Variants in GABRB2 observed in about 807,000 individuals in gnomAD.
GABRB2 encodes the protein gamma-aminobutyric acid receptor subunit beta-2.
Under a neutral mutation model 54.7 loss-of-function variants are expected in GABRB2, and 16 were observed. The ratio of observed to expected loss-of-function variants is 0.29; its 90% CI spans 0.20 to 0.44. The LOEUF (loss-of-function observed/expected upper bound fraction) is 0.44, where lower values mean the gene tolerates loss of function less well. GABRB2 is among the 20% of genes least tolerant of loss of function. The pLI, the probability that GABRB2 is intolerant of heterozygous loss-of-function variation, is 1.00. For synonymous variants in GABRB2, 244 were observed against 233.8 expected (o/e 1.04, Z -0.40); for missense variants, 355 against 644.0 (o/e 0.55, Z 4.86).
chr5:161,362,314 G>A (rs776026862), intron 5 of GABRB2, among the ~76,000 whole-genome samples: 1 of 152,120 alleles, frequency 6.6e-6, no homozygotes, highest in Non-Finnish European at 1.5e-5. Flanking sequence ...ATTCTGTGAA[G>A]AAAGCCAATG....
intron 9 of GABRB2, among the ~76,000 whole-genome samples, chr5:161,312,437 G>C (rs1305435392): frequency 6.6e-6 from 1 of 152,094 alleles, no homozygotes; most frequent in Non-Finnish European, 1.5e-5. Flanking sequence ...AATTTAGAAA[G>C]GTAAGAAGGA....
At chr5:161,414,746 A>T (rs1050595673) in intron 4 of GABRB2, among the ~76,000 whole-genome samples, 2 of 151,240 alleles carry the variant, frequency 1.3e-5, no homozygotes, top group East Asian at 1.9e-4. Context: ...TTATTATTAT[A>T]ATAATAAAAC....
chr5:161,435,584 G>T (rs207466527), intron 4 of GABRB2, among the ~76,000 whole-genome samples: 1 of 152,098 alleles, frequency 6.6e-6, no homozygotes, highest in African/African-American at 2.4e-5. Context: ...TAGGTAACCA[G>T]AAAGGAAACT....
chr5:161,479,831 A>C (rs961771441), intron 3 of GABRB2, among the ~76,000 whole-genome samples: 3 of 151,790 alleles, frequency 2.0e-5, no homozygotes, highest in South Asian at 2.1e-4. Context: ...CTTGTGATCC[A>C]CCCGCCTCAG....
At chr5:161,476,331 G>C (rs980026532) in intron 3 of GABRB2, among the ~76,000 whole-genome samples, 1 of 151,836 alleles carries the variant, frequency 6.6e-6, no homozygotes, top group Admixed American at 6.6e-5. Flanking sequence ...AGGTTTGGAA[G>C]GCTTAGTATT....
intron 9 of GABRB2, among the ~76,000 whole-genome samples, chr5:161,307,950 C>T (rs1323877619): frequency 6.6e-6 from 1 of 151,674 alleles, no homozygotes. Context: ...GCTCCGCCTC[C>T]TGGGTTCATG....
intron 4 of GABRB2, among the ~76,000 whole-genome samples, chr5:161,415,992 G>A (rs1327890961): frequency 6.8e-6 from 1 of 147,904 alleles, no homozygotes; most frequent in Non-Finnish European, 1.5e-5. Context: ...ATGCTGGAGG[G>A]CAGTGGAATG....
At chr5:161,389,642 G>A (rs1211342346) in intron 5 of GABRB2, among the ~76,000 whole-genome samples, 6 of 151,388 alleles carry the variant, frequency 4.0e-5, no homozygotes, top group Non-Finnish European at 5.9e-5. Flanking sequence ...GAGAAAAAGA[G>A]AAGAAAATGA....
rs1321949995 is a variant in GABRB2 at position 161,293,255 on chromosome 5, A to G, written c.*826T>C. 6.6e-6 allele frequency: 1 copy of G among 152,238 alleles called. No individual in the cohort carries two copies. Among genetic ancestry groups the G allele is most frequent in the African/African-American group, 2.4e-5 (1 of 41,456 alleles). The allele number at this position is 152,238 out of a possible 1,614,324, so 9.4% of individuals were successfully genotyped here. A position where few individuals can be genotyped will look rare whatever the true frequency, so the allele number is the denominator to read the frequency against. ...CCACTAGACACAGTATGTATAGACC[A>G]GATGCTGTGTGGAGCTGATAAGGGT... On this transcript the variant is annotated 3_prime_UTR_variant, in exon 10 of 10. Coordinates refer to ENST00000393959, the MANE Select transcript of GABRB2 (RefSeq NM_001371727.1).
intron 9 of GABRB2, among the ~76,000 whole-genome samples, chr5:161,296,822 T>C (rs778821822): frequency 6.6e-6 from 1 of 152,232 alleles, no homozygotes; most frequent in Non-Finnish European, 1.5e-5. Flanking sequence ...ATTGTACTTA[T>C]GGCTCTTCCG....
intron 3 of GABRB2, among the ~76,000 whole-genome samples, chr5:161,536,423 T>C (rs951520484): frequency 2.0e-5 from 3 of 152,174 alleles, no homozygotes; most frequent in Admixed American, 1.3e-4. Flanking sequence ...TACTCCACTT[T>C]ATGCTTCCTG....
intron 9 of GABRB2, among the ~76,000 whole-genome samples, chr5:161,314,984 C>T (rs1275305086): frequency 6.6e-6 from 1 of 151,986 alleles, no homozygotes; most frequent in East Asian, 1.9e-4. Flanking sequence ...TCCTTAAAGG[C>T]TATGTTAATA....
chr5:161,318,406 AG>A (rs1397496106), intron 9 of GABRB2, among the ~76,000 whole-genome samples: 3 of 152,038 alleles, frequency 2.0e-5, no homozygotes, highest in African/African-American at 7.2e-5. Context: ...ATTTGGAGAA[AG>A]GGGTAGGTTA....
At position 161,472,893 on chromosome 5, in the gene GABRB2, C is replaced by CT. The variant is rs1197853585; in HGVS notation, c.238-13050dup. ...CTTGGGTTGAACCATTAAAAATTAACTTTTTTTTCAGTTAAAAAAGGTGTG... is the reference window on the plus strand; with the variant it reads ...CTTGGGTTGAACCATTAAAAATTAACTTTTTTTTTCAGTTAAAAAAGGTGTG... On this transcript the variant is annotated intron_variant, in intron 3 of 9. Coordinates refer to ENST00000393959, the MANE Select transcript of GABRB2 (RefSeq NM_001371727.1). 3.5e-4 allele frequency among the ~76,000 whole-genome samples: 53 copies of CT among 151,806 alleles called. 1 individual carries two copies. Among genetic ancestry groups the CT allele is most frequent in the Admixed American group, 2.9e-3 (44 of 15,194 alleles).
At chr5:161,423,434 T>C (rs1231689854) in intron 4 of GABRB2, among the ~76,000 whole-genome samples, 2 of 152,188 alleles carry the variant, frequency 1.3e-5, no homozygotes, top group Non-Finnish European at 2.9e-5. Flanking sequence ...AATCATGTGC[T>C]CACTTCCTGT....
chr5:161,353,861 T>C (rs1169835406), intron 5 of GABRB2, among the ~76,000 whole-genome samples: 1 of 152,024 alleles, frequency 6.6e-6, no homozygotes, highest in Non-Finnish European at 1.5e-5. Flanking sequence ...AAAAGTTATT[T>C]CTTTAGTCCC....
chr5:161,445,037 G>A (rs1036204944), intron 4 of GABRB2, among the ~76,000 whole-genome samples: 13 of 152,008 alleles, frequency 8.6e-5, no homozygotes, highest in African/African-American at 2.2e-4. Flanking sequence ...GTGGCGAAAC[G>A]GCAATTACTC....
chr5:161,448,026 T>C (rs1757684746), intron 4 of GABRB2, among the ~76,000 whole-genome samples: 1 of 152,164 alleles, frequency 6.6e-6, no homozygotes, highest in South Asian at 2.1e-4. Context: ...TGATGCTCAA[T>C]ATAGAATCAA....
At chr5:161,308,579 A>G (rs1345387650) in intron 9 of GABRB2, among the ~76,000 whole-genome samples, 1 of 152,216 alleles carries the variant, frequency 6.6e-6, no homozygotes, top group East Asian at 1.9e-4. Flanking sequence ...AAAAGGACAA[A>G]GCTGGAGGCA....
Sources: gnomAD v4.1 joint callset for allele counts (sites outside exome capture counted in the v4.1 genomes callset) on GRCh38, gnomAD v4.1.1 for gene constraint, MANE v1.5 for transcripts, NCBI Gene and HGNC (gene_info 2026-07-23, HGNC 2026-07-21) for gene names.